Variants in ITGBL1 observed in about 807,000 individuals in gnomAD.
ITGBL1 encodes the protein integrin subunit beta like 1, also known as integrin beta-like protein 1.
ITGBL1 carries 51 observed loss-of-function variants against 68.5 expected under a neutral mutation model. The ratio of observed to expected loss-of-function variants is 0.74; its 90% CI spans 0.59 to 0.94. The LOEUF (loss-of-function observed/expected upper bound fraction) is 0.94. Ranked by LOEUF, ITGBL1 falls within the 40% of genes least tolerant of loss-of-function variation. The pLI is 0.00. For missense variants in ITGBL1, 649 were observed against 647.4 expected, an observed-to-expected ratio of 1.00 and a Z score of -0.03; for synonymous variants, 209 against 227.3, an observed-to-expected ratio of 0.92 and a Z score of 0.72.
chr13:101,453,246 C>A (rs2048188862), intron 1 of ITGBL1, among the ~76,000 whole-genome samples: 1 of 152,162 alleles, frequency 6.6e-6, no homozygotes, highest in Non-Finnish European at 1.5e-5. Context: ...ACATGTAAAG[C>A]AGAATGATCT....
intron 6 of ITGBL1, among the ~76,000 whole-genome samples, chr13:101,585,309 A>G (rs1419768996): frequency 6.6e-6 from 1 of 152,200 alleles, no homozygotes; most frequent in African/African-American, 2.4e-5. Context: ...GCCAAAGTTT[A>G]TATTTTTTCC....
At chr13:101,513,403 A>G (rs1254150548) in intron 2 of ITGBL1, among the ~76,000 whole-genome samples, 1 of 152,098 alleles carries the variant, frequency 6.6e-6, no homozygotes, top group Non-Finnish European at 1.5e-5. Context: ...ATTACTGGGT[A>G]TGGAGCTTGG....
intron 6 of ITGBL1, among the ~76,000 whole-genome samples, chr13:101,593,197 A>G (rs1392709569): frequency 6.6e-6 from 1 of 152,080 alleles, no homozygotes; most frequent in Admixed American, 6.6e-5. Context: ...TCAACTCCAC[A>G]GTGAGATACC....
chr13:101,708,062 C>CACACACACAT (rs1555368066), intron 9 of ITGBL1, among the ~76,000 whole-genome samples: 1 of 147,994 alleles, frequency 6.8e-6, no homozygotes, highest in Admixed American at 6.7e-5. Context: ...CACACACACA[C>CACACACACAT]ACACACATAC....
chr13:101,547,988 T>C (rs1033076887), intron 2 of ITGBL1, among the ~76,000 whole-genome samples: 1 of 151,776 alleles, frequency 6.6e-6, no homozygotes, highest in Non-Finnish European at 1.5e-5. Context: ...AAGCAAACTC[T>C]AAAAAGGTTT....
chr13:101,454,884 G>A (rs1274391570), intron 2 of ITGBL1, among the ~76,000 whole-genome samples: 1 of 152,152 alleles, frequency 6.6e-6, no homozygotes, highest in Non-Finnish European at 1.5e-5. Flanking sequence ...ATGAAACTTG[G>A]TATTTTCTGA....
intron 7 of ITGBL1, among the ~76,000 whole-genome samples, chr13:101,686,330 A>G (rs942162285): frequency 3.9e-5 from 6 of 152,010 alleles, no homozygotes; most frequent in African/African-American, 7.3e-5. Context: ...TGGCAACCAT[A>G]TAAAGAGAAA....
At chr13:101,718,732 A>G (rs1170438822), downstream of ITGBL1, 1 of 152,014 alleles carries the variant, frequency 6.6e-6, no homozygotes, top group Admixed American at 6.6e-5. Flanking sequence ...CTCAAATGCA[A>G]ACACAATCTC....
In ITGBL1 at chr13:101,604,887, T is replaced by TATATGTATATATATATATACACAC; in HGVS notation, c.1015+6589_1015+6590insTATGTATATATATATATACACACA. ...ATATATATATATATATATATATATA[T>TATATGTATATATATATATACACAC]ACACACACACACACATATATATGTG... On this transcript the variant is annotated intron_variant, in intron 7 of 10. Coordinates refer to ENST00000376180, the MANE Select transcript of ITGBL1 (RefSeq NM_004791.3). Among the ~76,000 whole-genome samples, 13 of 22,172 alleles carry TATATGTATATATATATATACACAC rather than the reference T, an allele frequency of 5.9e-4. 1 individual carries two copies. In the South Asian group the frequency reaches 0.01, roughly 17 times the overall value. 14.5% of individuals were successfully genotyped at this position (22,172 alleles called of 152,430 possible). A position where few individuals can be genotyped will look rare whatever the true frequency, so the allele number is the denominator to read the frequency against.
intron 10 of ITGBL1, chr13:101,715,212 C>T (rs2034661376): frequency 4.9e-6 from 1 of 202,298 alleles, no homozygotes; most frequent in Non-Finnish European, 1.0e-5. Flanking sequence ...CTTGGCCTGC[C>T]TCATGTTATG....
intron 7 of ITGBL1, among the ~76,000 whole-genome samples, chr13:101,600,819 G>C (rs1007991148): frequency 5.9e-5 from 9 of 152,142 alleles, no homozygotes; most frequent in Non-Finnish European, 1.5e-5. Flanking sequence ...GCTTTTTGAT[G>C]TGTTGCTGGT....
chr13:101,457,031 A>G (rs1236833967), intron 2 of ITGBL1, among the ~76,000 whole-genome samples: 1 of 152,216 alleles, frequency 6.6e-6, no homozygotes, highest in African/African-American at 2.4e-5. Context: ...TGATTTCTTC[A>G]TCTGTAAAAT....
intron 2 of ITGBL1, among the ~76,000 whole-genome samples, chr13:101,496,588 TTTTTTAAAA>T (rs536240761): frequency 1.2e-3 from 188 of 152,252 alleles, no homozygotes; most frequent in Admixed American, 3.8e-3. Flanking sequence ...ATCTTATTGG[TTTTTTAAAA>T]TATTGATAAT....
intron 2 of ITGBL1, among the ~76,000 whole-genome samples, chr13:101,468,703 G>C (rs80121275): frequency 0.058 from 8,768 of 152,198 alleles, 320 homozygotes; most frequent in Non-Finnish European, 0.09. Flanking sequence ...TTTTGTCTTA[G>C]AGAGTGCATG....
intron 7 of ITGBL1, among the ~76,000 whole-genome samples, chr13:101,619,623 C>T (rs1447123593): frequency 4.6e-5 from 7 of 152,082 alleles, no homozygotes; most frequent in Admixed American, 4.6e-4. Flanking sequence ...TGTTTTTAGG[C>T]ATAAAGTTTG....
chr13:101,584,801 G>C (rs958217346), intron 6 of ITGBL1, among the ~76,000 whole-genome samples: 1 of 152,054 alleles, frequency 6.6e-6, no homozygotes, highest in African/African-American at 2.4e-5. Flanking sequence ...GAGATGATGA[G>C]AATAGTGGGG....
Position 101,710,675 on chromosome 13 carries a change from A to C in ITGBL1, c.1280-3763A>C, listed in dbSNP as rs563825534. The C allele has an allele frequency of 1.6e-3, 247 of 152,218 alleles. 2 individuals are homozygous for C. The highest frequency in any genetic ancestry group is 5.8e-3 in the African/African-American group (239 of 41,534). The allele number at this position is 152,218 out of a possible 1,614,324, so 9.4% of individuals were successfully genotyped here. A position where few individuals can be genotyped will look rare whatever the true frequency, so the allele number is the denominator to read the frequency against. On this transcript the variant is annotated intron_variant, in intron 9 of 10. Transcript: ENST00000376180. The stretch of plus-strand genomic sequence containing the variant: ...CAAAAGATGTTCAAGTTCTTTCTTT[A>C]TTTGATTATGGGACAGATCTTAGCA...
chr13:101,714,097 C>A (rs2034603188), intron 9 of ITGBL1: 1 of 193,824 alleles, frequency 5.2e-6, no homozygotes, highest in Non-Finnish European at 1.0e-5. Flanking sequence ...AAACATGATT[C>A]AATTTAGGAG....
chr13:101,508,421 A>G (rs1566707306), intron 2 of ITGBL1, among the ~76,000 whole-genome samples: 1 of 152,140 alleles, frequency 6.6e-6, no homozygotes, highest in Non-Finnish European at 1.5e-5. Context: ...GAGTTATTGA[A>G]TTGGTAGGTA....
Sources: allele counts gnomAD v4.1 joint callset (sites outside exome capture counted in the v4.1 genomes callset), GRCh38; gene constraint gnomAD v4.1.1; transcripts MANE v1.5; gene names NCBI Gene and HGNC (gene_info 2026-07-23, HGNC 2026-07-21).